Variants in ASXL3 observed in about 807,000 individuals in gnomAD.
ASXL3 encodes the protein putative Polycomb group protein ASXL3.
A neutral mutation model predicts 170.6 loss-of-function variants in ASXL3; 34 were observed. The observed-to-expected ratio is 0.20, with a 90% CI of 0.15 to 0.27. The LOEUF (loss-of-function observed/expected upper bound fraction) is 0.27, where lower values mean the gene tolerates loss of function less well. ASXL3 is among the 10% of genes least tolerant of loss of function. ASXL3 has a pLI of 1.00. For missense variants in ASXL3, 2,592 were observed against 2,695.3 expected, an observed-to-expected ratio of 0.96 and a Z score of 0.85; for synonymous variants, 1,002 against 989.1, an observed-to-expected ratio of 1.01 and a Z score of -0.24.
In ASXL3 at chr18:33,746,048, T is replaced by G. The variant is rs144534810; in HGVS notation, c.6200T>G (p.Leu2067Arg). Residue 2067 changes from leucine (L) to arginine (R), a missense_variant, in exon 12 of 12, where the codon CTT becomes CGT. By Grantham distance (102) the Leu-to-Arg change is moderately radical (BLOSUM62 -2). Coordinates refer to ENST00000269197, the MANE Select transcript of ASXL3 (RefSeq NM_030632.3). ...PPVTMETTKRLSWPQSTGICS... is the reference protein window; with the variant it reads ...PPVTMETTKRRSWPQSTGICS... ...GTTACCATGGAAACCACTAAGAGAC[T>G]TAGTTGGCCACAGTCCACGGGCATA... is the stretch of plus-strand genomic sequence containing the variant. 15,004 of 1,612,604 alleles carry G rather than the reference T, an allele frequency of 9.3e-3. 101 individuals carry two copies. Among genetic ancestry groups the G allele is most frequent in the Non-Finnish European group, 0.011 (13,287 of 1,179,722 alleles).
chr18:33,704,011 T>G (rs1000519806), intron 8 of ASXL3, among the ~76,000 whole-genome samples: 1 of 152,174 alleles, frequency 6.6e-6, no homozygotes, highest in Non-Finnish European at 1.5e-5. Flanking sequence ...TAATAAATTT[T>G]GGTTTCAATT....
intron 1 of ASXL3, among the ~76,000 whole-genome samples, chr18:33,594,740 C>A (rs552649223): frequency 9.2e-5 from 14 of 152,098 alleles, no homozygotes; most frequent in Non-Finnish European, 1.6e-4. Flanking sequence ...TAGCATAAAT[C>A]TTAATTTATA....
At chr18:33,599,554 C>T (rs941353040) in intron 1 of ASXL3, among the ~76,000 whole-genome samples, 2 of 151,992 alleles carry the variant, frequency 1.3e-5, no homozygotes, top group South Asian at 4.1e-4. Flanking sequence ...ATAAGGGAAA[C>T]CGAGCAATTG....
At position 33,657,732 on chromosome 18, in the gene ASXL3, G is replaced by T. The variant is rs566885986; in HGVS notation, c.356-3884G>T. Among the ~76,000 whole-genome samples, 1,489 of 152,180 alleles carry T rather than the reference G, an allele frequency of 9.8e-3. 77 individuals are homozygous for T. Among genetic ancestry groups the T allele is most frequent in the Admixed American group, 0.079 (1,209 of 15,264 alleles). On this transcript the variant is annotated intron_variant, in intron 4 of 11. Coordinates refer to ENST00000269197, the MANE Select transcript of ASXL3 (RefSeq NM_030632.3). ...TTTGCTCCCTGATCTTCTAAATAGA[G>T]TATTTTGAGGGAGGGTTTGGGGAGT...
chr18:33,636,922 T>G (rs1217142613), intron 2 of ASXL3, among the ~76,000 whole-genome samples: 2 of 152,192 alleles, frequency 1.3e-5, no homozygotes, highest in Admixed American at 6.5e-5. Context: ...TCAAAAAGTT[T>G]CAAATTCTGG....
intron 8 of ASXL3, among the ~76,000 whole-genome samples, chr18:33,729,373 G>A (rs2067404865): frequency 6.6e-6 from 1 of 152,144 alleles, no homozygotes; most frequent in Middle Eastern, 3.2e-3. Context: ...TGTACCTGCA[G>A]GGGAACTTGA....
At chr18:33,582,082 T>C (rs1266517349) in intron 1 of ASXL3, among the ~76,000 whole-genome samples, 1 of 152,196 alleles carries the variant, frequency 6.6e-6, no homozygotes, top group Admixed American at 6.5e-5. Flanking sequence ...TGCATTTTCA[T>C]CTGTTTTATC....
In ASXL3 at chr18:33,583,773, T is replaced by A. The variant is rs1599368267; in HGVS notation, c.54+5088T>A. ...TTGTAGAGTTGTACCTGGAAGGGAA[T>A]TTCACCACAGAAAAGTTAACTGATA... On this transcript the variant is annotated intron_variant, in intron 1 of 11. Transcript: ENST00000269197. Among the ~76,000 whole-genome samples, 3 of 152,294 alleles carry A rather than the reference T, an allele frequency of 2.0e-5. No individual in the cohort carries two copies. The East Asian group carries it at 5.8e-4, about 29-fold the overall frequency.
chr18:33,661,851 A>C, intron 5 of ASXL3, 114 bp downstream of exon 5: 1 of 1,167,786 alleles, frequency 8.6e-7, no homozygotes, highest in Non-Finnish European at 1.2e-6. Context: ...ATCTTCCTGA[A>C]TTCAATCCCA....
At chr18:33,706,550 A>G (rs912898568) in intron 8 of ASXL3, among the ~76,000 whole-genome samples, 8 of 151,882 alleles carry the variant, frequency 5.3e-5, no homozygotes, top group African/African-American at 1.9e-4. Context: ...ACAATTGTTC[A>G]TAGTGGTTTT....
At chr18:33,714,126 C>G (rs1054044633) in intron 8 of ASXL3, among the ~76,000 whole-genome samples, 3 of 152,028 alleles carry the variant, frequency 2.0e-5, no homozygotes, top group Non-Finnish European at 4.4e-5. Flanking sequence ...TGGAAACTGC[C>G]CTCCCTCTCA....
intron 2 of ASXL3, among the ~76,000 whole-genome samples, chr18:33,636,181 A>T (rs2065760508): frequency 6.6e-6 from 1 of 152,146 alleles, no homozygotes; most frequent in Non-Finnish European, 1.5e-5. Flanking sequence ...GGATTGGATT[A>T]TAGGAGAGTG....
chr18:33,584,921 CTT>C (rs767409907), intron 1 of ASXL3, among the ~76,000 whole-genome samples: 1 of 148,568 alleles, frequency 6.7e-6, no homozygotes. Flanking sequence ...TGTGTGTATA[CTT>C]TTTTTTTTCT....
intron 2 of ASXL3, among the ~76,000 whole-genome samples, chr18:33,623,164 C>G (rs1299346084): frequency 2.0e-5 from 3 of 152,282 alleles, no homozygotes; most frequent in Admixed American, 2.0e-4. Context: ...AGAATTCTTT[C>G]ACTCCTTTAG....
chr18:33,582,431 T>C (rs2065001642), intron 1 of ASXL3, among the ~76,000 whole-genome samples: 1 of 152,214 alleles, frequency 6.6e-6, no homozygotes, highest in African/African-American at 2.4e-5. Flanking sequence ...TTTTTTGACA[T>C]GCAAAAATAT....
intron 1 of ASXL3, among the ~76,000 whole-genome samples, chr18:33,599,144 T>A (rs2145110033): frequency 6.6e-6 from 1 of 152,288 alleles, no homozygotes; most frequent in Middle Eastern, 3.4e-3. Flanking sequence ...ACTGTAAGCA[T>A]ATAGAAGCGG....
chr18:33,631,459 A>G (rs2065675932), intron 2 of ASXL3, among the ~76,000 whole-genome samples: 1 of 152,098 alleles, frequency 6.6e-6, no homozygotes, highest in African/African-American at 2.4e-5. Context: ...AAACCAAAAC[A>G]ATACATTGAA....
intron 1 of ASXL3, 62 bp downstream of exon 1, chr18:33,578,747 C>G (rs1285563335): frequency 9.6e-7 from 1 of 1,045,528 alleles, no homozygotes; most frequent in Non-Finnish European, 1.2e-6. Flanking sequence ...CGCCCCGCGC[C>G]GGTCCGCGGC....
At chr18:33,609,093 T>C (rs1774650961) in intron 2 of ASXL3, 1 of 980,914 alleles carries the variant, frequency 1.0e-6, no homozygotes, top group Admixed American at 6.2e-5. Context: ...TAACAGTACC[T>C]AACAATTCTG....
Sources: gnomAD v4.1 joint callset for allele counts (sites outside exome capture counted in the v4.1 genomes callset) on GRCh38, gnomAD v4.1.1 for gene constraint, MANE v1.5 for transcripts, NCBI Gene and HGNC (gene_info 2026-07-23, HGNC 2026-07-21) for gene names.